PRDM15: variants seen among roughly 807,000 people sequenced by gnomAD.
PRDM15 encodes the protein PR domain zinc finger protein 15.
Under a neutral mutation model 128.6 loss-of-function variants are expected in PRDM15, and 64 were observed. That is an observed-to-expected ratio of 0.50 (90% CI 0.41 to 0.61). PRDM15 has a LOEUF of 0.61. PRDM15 is among the 20% of genes least tolerant of loss of function. PRDM15 has a pLI of 0.00. For synonymous variants in PRDM15, 615 were observed against 621.8 expected, an observed-to-expected ratio of 0.99 and a Z score of 0.16; for missense variants, 1,242 against 1,569.1, an observed-to-expected ratio of 0.79 and a Z score of 3.52.
rs553715141 is a variant in PRDM15, at chr21:41,847,320, C to A, written c.539-129G>T. 84 of 621,892 alleles carry A rather than the reference C, an allele frequency of 1.4e-4. No homozygotes were observed. In the African/African-American group the frequency reaches 1.5e-3, roughly 11 times the overall value. The allele number at this position is 621,892 out of a possible 1,614,324, so 38.5% of individuals were successfully genotyped here. Reference sequence around the variant, plus strand: ...GACAGTGATGACGGCAGCAGACGGGCCTGTGGTCACTCCACATGACAGACA... The same window carrying A: ...GACAGTGATGACGGCAGCAGACGGGACTGTGGTCACTCCACATGACAGACA... On this transcript the variant is annotated intron_variant, in intron 5 of 23. Transcript: ENST00000398548.
intron 1 of PRDM15, among the ~76,000 whole-genome samples, chr21:41,878,108 A>T (rs2064486225): frequency 6.6e-6 from 1 of 152,258 alleles, no homozygotes; most frequent in South Asian, 2.1e-4. Flanking sequence ...GAGAACTGTC[A>T]CTGCTACCTT....
chr21:41,860,317 G>A lies in PRDM15; in HGVS notation c.37+10C>T, dbSNP rs2145911959. ...GTCTCGGACCTGGGACAGGTCCCTG[G>A]GTCACTTACAGATGAACATGATCTC... On this transcript the variant is annotated intron_variant, in intron 2 of 23. Transcript: ENST00000398548. 6.2e-7 allele frequency: 1 copy of A among 1,612,468 alleles called. No individual in the cohort carries two copies. Among genetic ancestry groups the A allele is most frequent in the South Asian group, 1.1e-5 (1 of 91,022 alleles).
At chr21:41,833,135 T>C (rs1401212501) in intron 11 of PRDM15, among the ~76,000 whole-genome samples, 1 of 152,152 alleles carries the variant, frequency 6.6e-6, no homozygotes, top group African/African-American at 2.4e-5. Flanking sequence ...GGGCCGCATT[T>C]TGCCTGAGGG....
At position 41,799,230 on chromosome 21, in the gene PRDM15, G is replaced by A. The variant is rs1366398960; in HGVS notation, c.*2010C>T. On this transcript the variant is annotated 3_prime_UTR_variant, in exon 24 of 24. Transcript: ENST00000398548. ...GTTGGGAGTCTCTGCGAGGTCATTT[G>A]CCCTTTAGATTCTGCAAAGGCAAAA... The A allele has an allele frequency of 6.6e-6, 1 of 152,174 alleles. No individual in the cohort carries two copies. The highest frequency in any genetic ancestry group is 1.5e-5 in the Non-Finnish European group (1 of 68,034). The allele number at this position is 152,174 out of a possible 1,614,324, so 9.4% of individuals were successfully genotyped here. A position where few individuals can be genotyped will look rare whatever the true frequency, so the allele number is the denominator to read the frequency against.
intron 21 of PRDM15, among the ~76,000 whole-genome samples, chr21:41,807,276 C>T (rs62216229): frequency 0.039 from 5,979 of 152,314 alleles, 138 homozygotes; most frequent in Non-Finnish European, 0.052. Context: ...AGCTTGGAGT[C>T]ATAAAATAGT....
In PRDM15 at chr21:41,862,054, G is replaced by T; in HGVS notation, c.-9-1682C>A. 1 of 1,352,302 alleles carries T rather than the reference G, an allele frequency of 7.4e-7. No individual in the cohort carries two copies. Among genetic ancestry groups the T allele is most frequent in the Non-Finnish European group, 1.1e-6 (1 of 950,900 alleles). 83.8% of individuals were successfully genotyped at this position (1,352,302 alleles called of 1,614,324 possible). A position where few individuals can be genotyped will look rare whatever the true frequency, so the allele number is the denominator to read the frequency against. On this transcript the variant is annotated intron_variant, in intron 1 of 23. Coordinates refer to ENST00000398548, the MANE Select transcript of PRDM15 (RefSeq NM_001040424.3). The surrounding 1 kb of genome is among the most constrained non-coding windows in gnomAD (Gnocchi z 4.1). ...CAAATAGGGACCAGTCTGGGATGGGGGCTCAGCTGGGCAGTGAGCAGGAGA... is the reference window on the plus strand; with the variant it reads ...CAAATAGGGACCAGTCTGGGATGGGTGCTCAGCTGGGCAGTGAGCAGGAGA...
At chr21:41,867,455 CAG>C (rs2064051945) in intron 1 of PRDM15, 1 of 1,111,146 alleles carries the variant, frequency 9.0e-7, no homozygotes, top group South Asian at 1.3e-5. Flanking sequence ...GTTGAAGAGA[CAG>C]AGTCTCACTA....
rs753917559 is a variant in PRDM15 at position 41,859,790 on chromosome 21, A to G, written c.38-105T>C. The G allele has an allele frequency of 5.0e-5, 42 of 848,268 alleles. No individual in the cohort carries two copies. The highest frequency in any genetic ancestry group is 7.3e-5 in the Non-Finnish European group (38 of 520,996). The allele number at this position is 848,268 out of a possible 1,614,324, so 52.5% of individuals were successfully genotyped here. On this transcript the variant is annotated intron_variant, in intron 2 of 23. Coordinates refer to ENST00000398548, the MANE Select transcript of PRDM15 (RefSeq NM_001040424.3). The surrounding 1 kb of genome is among the most constrained non-coding windows in gnomAD (Gnocchi z 5.3). ...GGCCCCATGAGGGTGACCCAGAGTC[A>G]TGAGACACATGCATGCCGACACTGC...
chr21:41,851,529 T>C (rs1490552613), intron 5 of PRDM15, among the ~76,000 whole-genome samples: 1 of 151,988 alleles, frequency 6.6e-6, no homozygotes, highest in African/African-American at 2.4e-5. Context: ...AGGAGCCAGA[T>C]AGGTGGCAGA....
At chr21:41,802,997 T>C (rs563219281) in intron 22 of PRDM15, 76 bp from the exon 23 acceptor site, 1 of 1,116,470 alleles carries the variant, frequency 9.0e-7, no homozygotes, top group African/African-American at 1.5e-5. Flanking sequence ...GCCCCAGCAC[T>C]GCCCTGGACA....
chr21:41,859,035 C>A lies in PRDM15; in HGVS notation c.131+557G>T. On this transcript the variant is annotated intron_variant, in intron 3 of 23. Coordinates refer to ENST00000398548, the MANE Select transcript of PRDM15 (RefSeq NM_001040424.3). This position sits in a 1 kb window ranked among gnomAD's most constrained non-coding sequence, Gnocchi z 5.3. ...GAGTGCCTTGTCCAAGCTCACCTGCCCTGGGCCACCAGGTGGCACAGCCTC... is the reference window on the plus strand; with the variant it reads ...GAGTGCCTTGTCCAAGCTCACCTGCACTGGGCCACCAGGTGGCACAGCCTC... 6.4e-7 allele frequency: 1 copy of A among 1,555,490 alleles called. No homozygotes were observed. The highest frequency in any genetic ancestry group is 1.2e-5 in the South Asian group (1 of 84,476).
Position 41,857,062 on chromosome 21 carries a change from G to GT in PRDM15, c.285+113dup, listed in dbSNP as rs957576858. On this transcript the variant is annotated intron_variant, in intron 4 of 23. Transcript: ENST00000398548. ...AAGCAGACCTACAATATTTGGAGCTGTTTTTGAGGCATTTATAAATCATGG... is the reference window on the plus strand; with the variant it reads ...AAGCAGACCTACAATATTTGGAGCTGTTTTTTGAGGCATTTATAAATCATGG... The GT allele has an allele frequency of 4.2e-6, 4 of 953,364 alleles. No individual in the cohort carries two copies. In the African/African-American group the frequency reaches 6.6e-5, roughly 16 times the overall value. The allele number at this position is 953,364 out of a possible 1,614,324, so 59.1% of individuals were successfully genotyped here. A position where few individuals can be genotyped will look rare whatever the true frequency, so the allele number is the denominator to read the frequency against.
Position 41,854,689 on chromosome 21 carries a change from C to T in PRDM15, c.415G>A (p.Asp139Asn), listed in dbSNP as rs138083588. The stretch of plus-strand genomic sequence containing the variant: ...TCTCTGGAGGTGGTGAAGTACACGT[C>T]GCTGCCGTGCTGGTAGGCCGTCAGG... ...QNLTAYQHGSDVYFTTSRDIP... is the reference protein window; with the variant it reads ...QNLTAYQHGSNVYFTTSRDIP... Residue 139 changes from aspartate to asparagine, a missense_variant, in exon 5 of 24, where the codon GAC (aspartate) becomes AAC (asparagine). Coordinates refer to ENST00000398548, the MANE Select transcript of PRDM15 (RefSeq NM_001040424.3). This position sits in a 1 kb window ranked among gnomAD's most constrained non-coding sequence, Gnocchi z 4.6. 133 of 1,613,600 alleles carry T rather than the reference C, an allele frequency of 8.2e-5. No homozygotes were observed. In the African/African-American group the frequency reaches 1.2e-3, roughly 15 times the overall value.
At chr21:41,829,976 A>G (rs2062626565) in intron 11 of PRDM15, among the ~76,000 whole-genome samples, 1 of 151,842 alleles carries the variant, frequency 6.6e-6, no homozygotes, top group Non-Finnish European at 1.5e-5. Flanking sequence ...CACACACCAC[A>G]TAAACATACA....
chr21:41,817,934 TACA>T (rs968661096), intron 18 of PRDM15, among the ~76,000 whole-genome samples: 87 of 152,244 alleles, frequency 5.7e-4, no homozygotes, highest in African/African-American at 2.1e-3. Flanking sequence ...CTAAAATGTC[TACA>T]ACATTATAAA....
At chr21:41,874,345 C>T (rs149711564) in intron 1 of PRDM15, among the ~76,000 whole-genome samples, 20 of 151,804 alleles carry the variant, frequency 1.3e-4, no homozygotes, top group African/African-American at 4.6e-4. Flanking sequence ...CCCAGGGAGA[C>T]AAGAGGCATC....
At chr21:41,834,246 T>C (rs1024020047) in intron 11 of PRDM15, among the ~76,000 whole-genome samples, 4 of 151,846 alleles carry the variant, frequency 2.6e-5, no homozygotes, top group Non-Finnish European at 4.4e-5. Context: ...AACCAAACCC[T>C]GGTTTCAAAT....
rs557718885 is a variant in PRDM15, at chr21:41,857,387, G to A, written c.132-58C>T. The A allele has an allele frequency of 1.1e-3, 1,749 of 1,580,238 alleles. 20 individuals are homozygous for A. In the South Asian group the frequency reaches 0.011, roughly 10 times the overall value. ...AGCACTCACACCCAGGGACCGACTC[G>A]TTAAGATAACCTAAAAGCTCGCCCT... On this transcript the variant is annotated intron_variant, in intron 3 of 23. Transcript: ENST00000398548.
intron 1 of PRDM15, among the ~76,000 whole-genome samples, chr21:41,864,264 T>C (rs959323023): frequency 1.3e-5 from 2 of 152,234 alleles, no homozygotes; most frequent in Non-Finnish European, 2.9e-5. Context: ...AAATGAACTA[T>C]AACTTCATAT....
Sources: allele counts gnomAD v4.1 joint callset (sites outside exome capture counted in the v4.1 genomes callset), GRCh38; gene constraint gnomAD v4.1.1; non-coding constraint Gnocchi (gnomAD v3.1); transcripts MANE v1.5; gene names NCBI Gene and HGNC (gene_info 2026-07-23, HGNC 2026-07-21).